SERPINB12: variants seen among roughly 807,000 people sequenced by gnomAD.
SERPINB12 encodes serpin B12.
Under a neutral mutation model 41.1 loss-of-function variants are expected in SERPINB12, and 57 were observed. The ratio of observed to expected loss-of-function variants is 1.39; its 90% CI spans 1.12 to 1.73. The LOEUF (loss-of-function observed/expected upper bound fraction) is 1.73, where lower values mean the gene tolerates loss of function less well. SERPINB12 is among the 40% of genes most tolerant of loss of function. The pLI is 0.00. For synonymous variants in SERPINB12, 180 were observed against 181.3 expected, an observed-to-expected ratio of 0.99 and a Z score of 0.06; for missense variants, 536 against 501.9, an observed-to-expected ratio of 1.07 and a Z score of -0.65.
chr18:63,542,988 C>T (rs1910305505), intron 1 of SERPINB12, among the ~76,000 whole-genome samples: 1 of 152,128 alleles, frequency 6.6e-6, no homozygotes. Context: ...TTTTTAATGG[C>T]TGCACAGTAT....
In SERPINB12 at chr18:63,568,190, G is replaced by A. The variant is rs1323462438; in HGVS notation, c.*1179G>A. The stretch of plus-strand genomic sequence containing the variant: ...GAGTCCAGGAGTTCGAGACCAGCCT[G>A]GGCAACATATTGAGACCCTGACTCT... On this transcript the variant is annotated 3_prime_UTR_variant, in exon 8 of 8. Coordinates refer to ENST00000382768, the MANE Select transcript of SERPINB12 (RefSeq NM_001307928.2). Among the ~76,000 whole-genome samples, 1 of 152,136 alleles carries A rather than the reference G, an allele frequency of 6.6e-6. No individual in the cohort carries two copies. Among genetic ancestry groups the A allele is most frequent in the African/African-American group, 2.4e-5 (1 of 41,432 alleles).
intron 1 of SERPINB12, among the ~76,000 whole-genome samples, chr18:63,553,203 A>G (rs193189684): frequency 6.6e-6 from 1 of 152,200 alleles, no homozygotes; most frequent in Non-Finnish European, 1.5e-5. Context: ...AGTGTTCTGT[A>G]GCCCACAGAG....
At chr18:63,534,003 G>A in the SERPINB12 span, among the ~76,000 whole-genome samples, 1 of 152,194 alleles carries the variant, frequency 6.6e-6, no homozygotes, top group South Asian at 2.1e-4. Flanking sequence ...GTTTTGGGAT[G>A]CACAAACACT....
the SERPINB12 span, among the ~76,000 whole-genome samples, chr18:63,526,156 T>A: frequency 2.6e-5 from 4 of 152,202 alleles, no homozygotes; most frequent in Admixed American, 2.0e-4. Context: ...TTTAAACACT[T>A]ATTTTTTTCC....
At chr18:63,554,073 T>G (rs532574811) in intron 1 of SERPINB12, among the ~76,000 whole-genome samples, 14 of 147,852 alleles carry the variant, frequency 9.5e-5, no homozygotes, top group Admixed American at 6.6e-5. Flanking sequence ...AGATAAGAAC[T>G]GTGAGTTAGG....
At chr18:63,541,610 T>C (rs1910274446), upstream of SERPINB12, among the ~76,000 whole-genome samples, 3 of 152,190 alleles carry the variant, frequency 2.0e-5, no homozygotes, top group Admixed American at 2.0e-4. Context: ...TCTATGATGA[T>C]AGGTAATATC....
intron 1 of SERPINB12, among the ~76,000 whole-genome samples, chr18:63,543,757 C>T (rs1245095736): frequency 6.6e-6 from 1 of 151,938 alleles, no homozygotes; most frequent in Non-Finnish European, 1.5e-5. Context: ...GCTGGGCTTA[C>T]AGGCGTGCGC....
upstream of SERPINB12, among the ~76,000 whole-genome samples, chr18:63,541,479 G>C (rs2144311381): frequency 6.6e-6 from 1 of 152,210 alleles, no homozygotes; most frequent in East Asian, 1.9e-4. Flanking sequence ...CCAAGGGCAT[G>C]GCTTTGCTTT....
In SERPINB12 at chr18:63,565,595, C is replaced by T; in HGVS notation, c.856C>T (p.Leu286=). The T allele has an allele frequency of 6.2e-7, 1 of 1,613,228 alleles. No homozygotes were observed. The highest frequency in any genetic ancestry group is 1.1e-5 in the South Asian group (1 of 90,900). Residue 286 remains leucine (L), a synonymous_variant, in exon 7 of 8, where the codon CTG becomes TTG. Transcript: ENST00000382768. ...VLLPSHSKDN[L]KGLEELERKI... is the part of the protein sequence containing the mutation. The stretch of plus-strand genomic sequence containing the variant: ...GCTGCCATCTCACTCTAAAGATAAC[C>T]TGAAGGGTCTGGAAGAGGTAAATCT...
upstream of SERPINB12, among the ~76,000 whole-genome samples, chr18:63,540,349 C>T (rs1038112201): frequency 2.6e-5 from 4 of 152,128 alleles, no homozygotes; most frequent in Non-Finnish European, 5.9e-5. Flanking sequence ...CGATGCATTC[C>T]AGCTTAAAAA....
intron 2 of SERPINB12, 64 bp from the exon 3 acceptor site, chr18:63,558,288 C>T (rs1910745019): frequency 6.0e-6 from 9 of 1,495,050 alleles, no homozygotes; most frequent in Non-Finnish European, 8.2e-6. Flanking sequence ...TGAAATGTTT[C>T]TGAAGTTATT....
intron 3 of SERPINB12, 56 bp downstream of exon 3, chr18:63,558,542 G>A (rs1910760262): frequency 1.3e-6 from 2 of 1,540,086 alleles, no homozygotes; most frequent in African/African-American, 2.8e-5. Context: ...TGCTTATTCT[G>A]GCTGTAGGAT....
In SERPINB12 at chr18:63,566,866, A is replaced by G; in HGVS notation, c.1133A>G (p.Gln378Arg). Residue 378 changes from glutamine to arginine, a missense_variant, in exon 8 of 8, where the codon CAG becomes CGG. By Grantham distance (43) the Gln-to-Arg change is conservative. Coordinates refer to ENST00000382768, the MANE Select transcript of SERPINB12 (RefSeq NM_001307928.2). ...GTGGAGGTGGATGAAAACGGTACCCAGGCAGCTGCAGCCACTGGGGCTGTT... is the reference window on the plus strand; with the variant it reads ...GTGGAGGTGGATGAAAACGGTACCCGGGCAGCTGCAGCCACTGGGGCTGTT... ...TFVEVDENGT[Q>R]AAAATGAVVS... 6.2e-7 allele frequency: 1 copy of G among 1,614,192 alleles called. No homozygotes were observed. Among genetic ancestry groups the G allele is most frequent in the Non-Finnish European group, 8.5e-7 (1 of 1,180,010 alleles).
At chr18:63,553,022 C>T (rs1009534169) in intron 1 of SERPINB12, among the ~76,000 whole-genome samples, 2 of 152,112 alleles carry the variant, frequency 1.3e-5, no homozygotes, top group Non-Finnish European at 2.9e-5. Context: ...TCTCAACTCC[C>T]TTGGGAGGTG....
At chr18:63,565,145 C>A (rs1280267861) in intron 6 of SERPINB12, among the ~76,000 whole-genome samples, 1 of 152,120 alleles carries the variant, frequency 6.6e-6, no homozygotes, top group African/African-American at 2.4e-5. Flanking sequence ...TATGATGGCA[C>A]CACTGCACTG....
At chr18:63,525,018 G>A in the SERPINB12 span, among the ~76,000 whole-genome samples, 1 of 151,910 alleles carries the variant, frequency 6.6e-6, no homozygotes, top group African/African-American at 2.4e-5. Context: ...CCAAAGTGCT[G>A]GATTACAGGC....
At chr18:63,541,722 A>G (rs1311826809), upstream of SERPINB12, among the ~76,000 whole-genome samples, 1 of 152,046 alleles carries the variant, frequency 6.6e-6, no homozygotes, top group Non-Finnish European at 1.5e-5. Context: ...ACAGAGGCAA[A>G]TGGGGATGGA....
At chr18:63,557,891 A>G (rs1223844469) in intron 2 of SERPINB12, among the ~76,000 whole-genome samples, 1 of 152,260 alleles carries the variant, frequency 6.6e-6, no homozygotes, top group African/African-American at 2.4e-5. Context: ...TGCAAAAGTA[A>G]AAAGAAACAG....
At chr18:63,556,359 C>T (rs1261286594) in intron 2 of SERPINB12, 32 bp downstream of exon 2, 2 of 1,587,208 alleles carry the variant, frequency 1.3e-6, no homozygotes, top group Non-Finnish European at 1.7e-6. Context: ...ACACAGGGTC[C>T]TAAACTCTGG....
Sources: allele counts gnomAD v4.1 joint callset (sites outside exome capture counted in the v4.1 genomes callset), GRCh38; gene constraint gnomAD v4.1.1; transcripts MANE v1.5; gene names NCBI Gene and HGNC (gene_info 2026-07-23, HGNC 2026-07-21).